Variants in FUBP3 observed in about 807,000 individuals in gnomAD.
FUBP3 encodes the protein far upstream element-binding protein 3.
Under a neutral mutation model 85.6 loss-of-function variants are expected in FUBP3, and 28 were observed. The ratio of observed to expected loss-of-function variants is 0.33; its 90% CI spans 0.24 to 0.45. The LOEUF (loss-of-function observed/expected upper bound fraction) is 0.45, where lower values mean the gene tolerates loss of function less well. Among genes scored for constraint, FUBP3 ranks in the 20% least tolerant of loss-of-function variants. The pLI is 1.00. For missense variants in FUBP3, 583 were observed against 755.1 expected (o/e 0.77, Z 2.67); for synonymous variants, 271 against 271.4 (o/e 1.00, Z 0.01).
At chr9:130,630,243 G>A (rs1459915031) in intron 12 of FUBP3, among the ~76,000 whole-genome samples, 1 of 152,254 alleles carries the variant, frequency 6.6e-6, no homozygotes, top group Non-Finnish European at 1.5e-5. Context: ...GTGCTAAGAA[G>A]GGCAGTGCCA....
intron 2 of FUBP3, among the ~76,000 whole-genome samples, chr9:130,601,946 C>T (rs760758532): frequency 1.6e-4 from 24 of 151,878 alleles, no homozygotes; most frequent in Non-Finnish European, 2.9e-4. Flanking sequence ...GGATTACAGG[C>T]GTGCGCCACC....
chr9:130,622,079 T>C (rs565071955), intron 9 of FUBP3, among the ~76,000 whole-genome samples: 1 of 151,780 alleles, frequency 6.6e-6, no homozygotes, highest in Non-Finnish European at 1.5e-5. Context: ...TCCCAGCACT[T>C]TGGGAGGCTA....
In FUBP3 at chr9:130,592,368, G is replaced by A. The variant is rs968746146; in HGVS notation, c.85-3115G>A. Among the ~76,000 whole-genome samples the A allele has an allele frequency of 6.6e-5, 10 of 152,282 alleles. No individual in the cohort carries two copies. The East Asian group carries it at 1.9e-3, about 29-fold the overall frequency. ...AAGAGTCTCACTCTGAGATGAGTGT[G>A]GCTGTGTTCTAACAAAACTCTAATT... On this transcript the variant is annotated intron_variant, in intron 1 of 18. Coordinates refer to ENST00000319725, the MANE Select transcript of FUBP3 (RefSeq NM_003934.2).
At chr9:130,585,213 C>T (rs1830291032) in intron 1 of FUBP3, among the ~76,000 whole-genome samples, 1 of 152,176 alleles carries the variant, frequency 6.6e-6, no homozygotes, top group Non-Finnish European at 1.5e-5. Flanking sequence ...CCACACTGCT[C>T]CCACAGCCTG....
chr9:130,632,425 G>A, intron 16 of FUBP3, 147 bp downstream of exon 16: 1 of 654,064 alleles, frequency 1.5e-6, no homozygotes, highest in Non-Finnish European at 2.7e-6. Flanking sequence ...GTGGGGCTTG[G>A]GCCCTCCTGC....
intron 18 of FUBP3, 88 bp downstream of exon 18, chr9:130,636,214 G>A (rs765102975): frequency 8.9e-6 from 12 of 1,353,554 alleles, no homozygotes; most frequent in Non-Finnish European, 1.3e-5. Flanking sequence ...CCCAGGATGA[G>A]AGCGCTGGGC....
chr9:130,622,079 T>G (rs565071955), intron 9 of FUBP3, among the ~76,000 whole-genome samples: 1 of 151,900 alleles, frequency 6.6e-6, no homozygotes, highest in East Asian at 1.9e-4. Context: ...TCCCAGCACT[T>G]TGGGAGGCTA....
intron 2 of FUBP3, among the ~76,000 whole-genome samples, chr9:130,596,276 A>G (rs1282353365): frequency 2.0e-5 from 3 of 152,128 alleles, no homozygotes; most frequent in East Asian, 1.9e-4. Flanking sequence ...AGTACACTAG[A>G]TTGACATGAA....
intron 2 of FUBP3, among the ~76,000 whole-genome samples, chr9:130,598,054 A>G (rs1388453288): frequency 6.6e-6 from 1 of 152,266 alleles, no homozygotes; most frequent in East Asian, 1.9e-4. Context: ...GTAAGTGAAA[A>G]TACGCAATAT....
Position 130,620,811 on chromosome 9 carries a change from G to A in FUBP3, c.771+353G>A, listed in dbSNP as rs562088276. Among the ~76,000 whole-genome samples, 10 of 152,330 alleles carry A rather than the reference G, an allele frequency of 6.6e-5. No individual in the cohort carries two copies. The South Asian group carries it at 2.1e-3, about 32-fold the overall frequency. On this transcript the variant is annotated intron_variant, in intron 9 of 18. Transcript: ENST00000319725. ...TATTGATGAGGTTGCAATGGGGTCA[G>A]AATCTATCCTAGAGAATGAAATTTT...
intron 11 of FUBP3, among the ~76,000 whole-genome samples, chr9:130,625,812 C>T (rs1416462870): frequency 6.6e-6 from 1 of 152,158 alleles, no homozygotes; most frequent in Non-Finnish European, 1.5e-5. Flanking sequence ...GAACCTGTTA[C>T]TGCTGCTGCT....
chr9:130,580,098 G>C (rs771198160), intron 1 of FUBP3, among the ~76,000 whole-genome samples: 2 of 152,220 alleles, frequency 1.3e-5, no homozygotes, highest in African/African-American at 4.8e-5. Context: ...GGAGGGGTCC[G>C]GGAAGCCCAC....
At chr9:130,605,974 ACT>A (rs1237595860) in intron 2 of FUBP3, among the ~76,000 whole-genome samples, 5 of 152,138 alleles carry the variant, frequency 3.3e-5, no homozygotes, top group African/African-American at 7.2e-5. Context: ...ACAGAGCGAG[ACT>A]CTGTCTCAAA....
At position 130,635,944 on chromosome 9, in the gene FUBP3, C is replaced by A; in HGVS notation, c.1583-55C>A. ...GATGCCCAGGGCCTTTGGGAAGGGT[C>A]CTGCCCAGTGCACCTCCGCTCCCGA... On this transcript the variant is annotated intron_variant, in intron 17 of 18. Coordinates refer to ENST00000319725, the MANE Select transcript of FUBP3 (RefSeq NM_003934.2). This position sits in a 1 kb window ranked among gnomAD's most constrained non-coding sequence, Gnocchi z 4.3. The A allele has an allele frequency of 6.3e-7, 1 of 1,584,028 alleles. No homozygotes were observed. The highest frequency in any genetic ancestry group is 1.2e-5 in the South Asian group (1 of 86,750).
At position 130,612,977 on chromosome 9, in the gene FUBP3, A is replaced by G; in HGVS notation, c.296A>G (p.Gln99Arg). The change falls in exon 5 of 19, where the codon CAG (glutamine) becomes CGG (arginine). Residue 99 changes from glutamine (Q) to arginine (R), a missense_variant. Coordinates refer to ENST00000319725, the MANE Select transcript of FUBP3 (RefSeq NM_003934.2). This position sits in a 1 kb window ranked among gnomAD's most constrained non-coding sequence, Gnocchi z 4.1. ...TCAGTTATCGGCAGGGGAGGTGAGC[A>G]GATTTCACGGATTCAAGCAGAATCT... The part of the protein sequence containing the change: ...VGFIIGRGGE[Q>R]ISRIQAESGC... 1 of 1,613,092 alleles carries G rather than the reference A, an allele frequency of 6.2e-7. No individual in the cohort carries two copies. Among genetic ancestry groups the G allele is most frequent in the Non-Finnish European group, 8.5e-7 (1 of 1,179,030 alleles).
In FUBP3 at chr9:130,635,775, C is replaced by G; in HGVS notation, c.1583-224C>G. On this transcript the variant is annotated intron_variant, in intron 17 of 18. Transcript: ENST00000319725. The surrounding 1 kb of genome is among the most constrained non-coding windows in gnomAD (Gnocchi z 4.3). ...TGCGCTTCCGCAGAGAGAAGGCAGG[C>G]GTGAGGATTGGTCTTCACAGGCATA... The G allele has an allele frequency of 1.9e-6, 1 of 531,370 alleles. No individual in the cohort carries two copies. The highest frequency in any genetic ancestry group is 3.3e-6 in the Non-Finnish European group (1 of 301,000). The allele number at this position is 531,370 out of a possible 1,614,324, so 32.9% of individuals were successfully genotyped here. A position where few individuals can be genotyped will look rare whatever the true frequency, so the allele number is the denominator to read the frequency against.
chr9:130,594,319 A>G (rs151053195), intron 1 of FUBP3, among the ~76,000 whole-genome samples: 2,616 of 152,134 alleles, frequency 0.017, 70 homozygotes, highest in African/African-American at 0.059. Flanking sequence ...GCTGTGGCTC[A>G]TGCTTGTAAT....
intron 18 of FUBP3, 71 bp downstream of exon 18, chr9:130,636,197 T>C: frequency 6.7e-7 from 1 of 1,490,382 alleles, no homozygotes; most frequent in Non-Finnish European, 9.3e-7. Flanking sequence ...CTTCTGTGTT[T>C]CCTGACCCCA....
At chr9:130,625,977 T>G (rs983619494) in intron 11 of FUBP3, among the ~76,000 whole-genome samples, 4 of 152,126 alleles carry the variant, frequency 2.6e-5, no homozygotes, top group Non-Finnish European at 1.5e-5. Flanking sequence ...AGGCCCAGTA[T>G]GTGTCCGCCG....
Sources: gnomAD v4.1 joint callset for allele counts (sites outside exome capture counted in the v4.1 genomes callset) on GRCh38, gnomAD v4.1.1 for gene constraint, Gnocchi (gnomAD v3.1) non-coding constraint, MANE v1.5 for transcripts, NCBI Gene and HGNC (gene_info 2026-07-23, HGNC 2026-07-21) for gene names.